KCNMA1: variants seen among roughly 807,000 people sequenced by gnomAD.
KCNMA1 encodes the protein Calcium-activated potassium channel subunit alpha-1.
KCNMA1 carries 29 observed loss-of-function variants against 140.0 expected under a neutral mutation model. The ratio of observed to expected loss-of-function variants is 0.21; its 90% CI spans 0.15 to 0.28. The LOEUF (loss-of-function observed/expected upper bound fraction) is 0.28. KCNMA1 is among the 10% of genes least tolerant of loss of function. KCNMA1 has a pLI of 1.00. For synonymous variants in KCNMA1, 612 were observed against 611.9 expected, an observed-to-expected ratio of 1.00 and a Z score of 0.00; for missense variants, 880 against 1,602.2, an observed-to-expected ratio of 0.55 and a Z score of 7.70.
At chr10:77,368,755 C>T (rs752348879) in intron 2 of KCNMA1, among the ~76,000 whole-genome samples, 1 of 152,022 alleles carries the variant, frequency 6.6e-6, no homozygotes, top group African/African-American at 2.4e-5. Context: ...TTTCATTTGC[C>T]CTTGGATGTC....
intron 1 of KCNMA1, among the ~76,000 whole-genome samples, chr10:77,528,846 G>A (rs779845960): frequency 2.2e-4 from 34 of 152,060 alleles, no homozygotes; most frequent in Non-Finnish European, 8.8e-5. Flanking sequence ...GGACACAAAA[G>A]GCCACATATC....
chr10:76,907,531 T>TTTTA (rs2048292476), intron 25 of KCNMA1, among the ~76,000 whole-genome samples: 2 of 151,110 alleles, frequency 1.3e-5, no homozygotes, highest in African/African-American at 4.9e-5. Flanking sequence ...ATCTCTGTTG[T>TTTTA]TTTATTTTAT....
At chr10:77,155,939 C>T (rs2098478309) in intron 5 of KCNMA1, among the ~76,000 whole-genome samples, 1 of 152,092 alleles carries the variant, frequency 6.6e-6, no homozygotes, top group South Asian at 2.1e-4. Flanking sequence ...AATTAAAAAA[C>T]AAAGTTGGCC....
intron 14 of KCNMA1, among the ~76,000 whole-genome samples, chr10:77,063,326 T>C (rs1443711856): frequency 2.0e-5 from 3 of 151,890 alleles, no homozygotes; most frequent in Non-Finnish European, 2.9e-5. Context: ...GGCAGCAGAA[T>C]CACTTGAACC....
At chr10:76,997,012 C>T (rs2084596438) in intron 19 of KCNMA1, among the ~76,000 whole-genome samples, 1 of 152,122 alleles carries the variant, frequency 6.6e-6, no homozygotes. Flanking sequence ...GAGCTGTTTC[C>T]ACCCCCTGCC....
chr10:77,386,231 G>A (rs2095598724), intron 2 of KCNMA1, among the ~76,000 whole-genome samples: 1 of 152,180 alleles, frequency 6.6e-6, no homozygotes, highest in African/African-American at 2.4e-5. Context: ...GAGGCCAAGG[G>A]GGCAAAATCT....
intron 1 of KCNMA1, chr10:77,634,253 T>C (rs1012865110): frequency 3.0e-5 from 30 of 985,208 alleles, no homozygotes; most frequent in Non-Finnish European, 3.5e-5. Context: ...AAAACAATAA[T>C]GTGAAAAAGT....
At chr10:77,082,007 C>CTTTT (rs201288668) in intron 12 of KCNMA1, among the ~76,000 whole-genome samples, 83 of 32,442 alleles carry the variant, frequency 2.6e-3, no homozygotes, top group African/African-American at 4.5e-3. Flanking sequence ...TTTTTCTTTT[C>CTTTT]TTTTTTTTTT....
intron 3 of KCNMA1, among the ~76,000 whole-genome samples, chr10:77,204,931 CTGA>C (rs1018510138): frequency 2.6e-5 from 4 of 152,168 alleles, no homozygotes; most frequent in African/African-American, 9.7e-5. Context: ...TTTCCACATT[CTGA>C]TGATTTAATC....
intron 6 of KCNMA1, among the ~76,000 whole-genome samples, chr10:77,118,295 A>G (rs2097527086): frequency 6.6e-6 from 1 of 152,132 alleles, no homozygotes; most frequent in African/African-American, 2.4e-5. Context: ...CCAAGGCTGC[A>G]CTTTCTCTGG....
chr10:77,468,306 C>G (rs1399021733), intron 1 of KCNMA1, among the ~76,000 whole-genome samples: 1 of 152,190 alleles, frequency 6.6e-6, no homozygotes, highest in Non-Finnish European at 1.5e-5. Flanking sequence ...TCTCCTATAG[C>G]TCTGTGTCTA....
chr10:77,182,859 G>A (rs1194711811), intron 5 of KCNMA1, among the ~76,000 whole-genome samples: 2 of 152,144 alleles, frequency 1.3e-5, no homozygotes, highest in Non-Finnish European at 2.9e-5. Flanking sequence ...TCCAGGAGGT[G>A]CCCTGTACAG....
intron 1 of KCNMA1, among the ~76,000 whole-genome samples, chr10:77,488,993 C>T (rs1370053596): frequency 6.6e-6 from 1 of 152,156 alleles, no homozygotes; most frequent in African/African-American, 2.4e-5. Context: ...GCTAGGAATG[C>T]CTGCTCCACT....
At chr10:77,456,270 T>A (rs183461267) in intron 1 of KCNMA1, among the ~76,000 whole-genome samples, 264 of 152,330 alleles carry the variant, frequency 1.7e-3, no homozygotes, top group African/African-American at 6.2e-3. Flanking sequence ...TTTGTCCCCA[T>A]GTGGCATACT....
chr10:77,097,979 G>A (rs1434043664), intron 9 of KCNMA1, among the ~76,000 whole-genome samples: 2 of 152,200 alleles, frequency 1.3e-5, no homozygotes, highest in African/African-American at 4.8e-5. Context: ...CAGACAACTG[G>A]CAGCCCCAGT....
intron 1 of KCNMA1, among the ~76,000 whole-genome samples, chr10:77,524,749 TC>T (rs909183942): frequency 2.0e-5 from 3 of 152,046 alleles, no homozygotes; most frequent in East Asian, 1.9e-4. Context: ...ATCAGCTACC[TC>T]CCCACTCACA....
chr10:77,132,773 G>C (rs1310550549), intron 5 of KCNMA1, among the ~76,000 whole-genome samples: 1 of 151,976 alleles, frequency 6.6e-6, no homozygotes, highest in Admixed American at 6.6e-5. Flanking sequence ...ACAAAAGAAG[G>C]ATATCTTTAC....
chr10:76,997,073 C>T (rs2084623349), intron 19 of KCNMA1, among the ~76,000 whole-genome samples: 1 of 152,122 alleles, frequency 6.6e-6, no homozygotes, highest in Non-Finnish European at 1.5e-5. Context: ...ACTTAAGTGA[C>T]TTTAGTTCTA....
In KCNMA1 at chr10:76,969,988, C is replaced by T; in HGVS notation, c.2346G>A (p.Ser782=). Residue 782 remains serine (S), a synonymous_variant, in exon 20 of 28, where the codon TCG becomes TCA. Coordinates refer to ENST00000286628, the MANE Select transcript of KCNMA1 (RefSeq NM_001161352.2). ...NGGMRNSPNT[S]PKLMRHDPLL... is the part of the protein sequence containing the mutation. ...CCTCTCCTTACCTCATCAGCTTAGG[C>T]GAGGTGTTGGGTGAGTTCCGCATGC... 2 of 1,611,818 alleles carry T rather than the reference C, an allele frequency of 1.2e-6. No individual in the cohort carries two copies. The highest frequency in any genetic ancestry group is 1.7e-6 in the Non-Finnish European group (2 of 1,179,084).
Sources: gnomAD v4.1 joint callset for allele counts (sites outside exome capture counted in the v4.1 genomes callset) on GRCh38, gnomAD v4.1.1 for gene constraint, MANE v1.5 for transcripts, NCBI Gene and HGNC (gene_info 2026-07-23, HGNC 2026-07-21) for gene names.